Variants in CSMD1 observed in about 807,000 individuals in gnomAD.
CSMD1 encodes CUB and sushi domain-containing protein 1.
In CSMD1, 213 loss-of-function variants were observed where a neutral mutation model predicts 417.5. The observed-to-expected ratio is 0.51, with a 90% confidence interval of 0.46 to 0.57. The LOEUF (loss-of-function observed/expected upper bound fraction) is 0.57, where lower values mean the gene tolerates loss of function less well. Among genes scored for constraint, CSMD1 ranks in the 20% least tolerant of loss-of-function variants. CSMD1 has a pLI of 0.00. For missense variants in CSMD1, 6,923 were observed against 4,529.7 expected (o/e 1.53, Z -15.17); for synonymous variants, 2,862 against 1,736.8 (o/e 1.65, Z -16.11).
chr8:4,014,456 C>T (rs1002865864), intron 4 of CSMD1, among the ~76,000 whole-genome samples: 2 of 152,162 alleles, frequency 1.3e-5, no homozygotes, highest in African/African-American at 4.8e-5. Context: ...GTGACTTCAG[C>T]CTCTAAGAAG....
At chr8:3,718,711 T>C (rs1175677428) in intron 6 of CSMD1, among the ~76,000 whole-genome samples, 2 of 152,200 alleles carry the variant, frequency 1.3e-5, no homozygotes, top group Admixed American at 1.3e-4. Context: ...TAAAGGGTAA[T>C]TAGCATAAGA....
At position 4,927,087 on chromosome 8, in the gene CSMD1, CATTATTATTATT is replaced by C. The variant is rs142803606; in HGVS notation, c.85+67233_85+67244del. Among the ~76,000 whole-genome samples the C allele has an allele frequency of 8.9e-4, 128 of 143,458 alleles. 2 individuals are homozygous for C. The South Asian group carries it at 0.021, about 23-fold the overall frequency. 94.1% of individuals were successfully genotyped at this position (143,458 alleles called of 152,430 possible). A position where few individuals can be genotyped will look rare whatever the true frequency, so the allele number is the denominator to read the frequency against. ...AGGGCTGTGTTATTTGCTTTCAATG[CATTATTATTATT>C]ATTATTATTATTATTATTATTATTA... On this transcript the variant is annotated intron_variant, in intron 1 of 69. Transcript: ENST00000635120.
At position 4,677,901 on chromosome 8, in the gene CSMD1, C is replaced by T. The variant is rs996292611; in HGVS notation, c.86-40343G>A. On this transcript the variant is annotated intron_variant, in intron 1 of 69. Transcript: ENST00000635120. ...CACATCTGAATGCTGTAAAGTGTGA[C>T]ATTTAATGAACTATATATTGATTCC... Among the ~76,000 whole-genome samples, 6 of 152,058 alleles carry T rather than the reference C, an allele frequency of 3.9e-5. No individual in the cohort carries two copies. The East Asian group carries it at 9.7e-4, about 24-fold the overall frequency.
intron 3 of CSMD1, among the ~76,000 whole-genome samples, chr8:4,348,068 C>G (rs1322314212): frequency 6.6e-6 from 1 of 152,110 alleles, no homozygotes; most frequent in Non-Finnish European, 1.5e-5. Flanking sequence ...ATACACCAGG[C>G]AAAAACAAAC....
intron 3 of CSMD1, among the ~76,000 whole-genome samples, chr8:4,250,572 T>C (rs143112311): frequency 6.6e-6 from 1 of 152,272 alleles, no homozygotes; most frequent in African/African-American, 2.4e-5. Context: ...CTAATTTTCT[T>C]TTAATAAACT....
At chr8:4,260,758 C>T (rs368591036) in intron 3 of CSMD1, among the ~76,000 whole-genome samples, 1 of 152,106 alleles carries the variant, frequency 6.6e-6, no homozygotes, top group Admixed American at 6.5e-5. Context: ...ACAATTTAGG[C>T]TAAGTTATAT....
Position 4,763,470 on chromosome 8 carries a change from G to C in CSMD1, c.86-125912C>G, listed in dbSNP as rs145543831. On this transcript the variant is annotated intron_variant, in intron 1 of 69. Transcript: ENST00000635120. ...ATTATTTATAATAGTGACATGATGA[G>C]AGCTCCATAATCATTCAATAATTTA... 1.5e-3 allele frequency among the ~76,000 whole-genome samples: 235 copies of C among 152,224 alleles called. 1 individual carries two copies. The highest frequency in any genetic ancestry group is 5.5e-3 in the African/African-American group (229 of 41,526).
At chr8:4,002,317 T>C (rs1474655118) in intron 4 of CSMD1, among the ~76,000 whole-genome samples, 3 of 152,182 alleles carry the variant, frequency 2.0e-5, no homozygotes, top group Non-Finnish European at 1.5e-5. Flanking sequence ...ACAAAACTTT[T>C]TAACTCTTAA....
At chr8:3,443,803 A>T (rs1381157418) in intron 12 of CSMD1, among the ~76,000 whole-genome samples, 1 of 152,228 alleles carries the variant, frequency 6.6e-6, no homozygotes, top group Non-Finnish European at 1.5e-5. Flanking sequence ...TGTAAACATG[A>T]ATGCAAAACC....
chr8:3,080,564 G>A (rs1161825894), intron 49 of CSMD1, among the ~76,000 whole-genome samples: 1 of 152,188 alleles, frequency 6.6e-6, no homozygotes, highest in African/African-American at 2.4e-5. Flanking sequence ...GAAGCTAATT[G>A]CGAGCCATCA....
At chr8:3,185,314 G>A (rs775911027) in intron 36 of CSMD1, among the ~76,000 whole-genome samples, 7 of 152,202 alleles carry the variant, frequency 4.6e-5, no homozygotes, top group Non-Finnish European at 8.8e-5. Flanking sequence ...TTAATAAAAA[G>A]GAGATTGTTG....
intron 10 of CSMD1, among the ~76,000 whole-genome samples, chr8:3,536,952 G>C (rs1258572284): frequency 2.6e-5 from 4 of 152,130 alleles, no homozygotes; most frequent in East Asian, 3.9e-4. Context: ...TATTTACTGG[G>C]AGCTTTCACA....
chr8:4,036,875 T>TCCTC (rs1797644918), intron 3 of CSMD1, among the ~76,000 whole-genome samples: 1 of 152,200 alleles, frequency 6.6e-6, no homozygotes, highest in Non-Finnish European at 1.5e-5. Flanking sequence ...ATGTCCAGTT[T>TCCTC]CCTCCATATC....
intron 3 of CSMD1, among the ~76,000 whole-genome samples, chr8:4,206,225 A>C (rs1799968878): frequency 6.6e-6 from 1 of 152,174 alleles, no homozygotes; most frequent in Non-Finnish European, 1.5e-5. Flanking sequence ...TTTAAGTTCT[A>C]GAGTACATGT....
At chr8:3,490,362 AT>A (rs1459816660) in intron 11 of CSMD1, among the ~76,000 whole-genome samples, 1 of 152,226 alleles carries the variant, frequency 6.6e-6, no homozygotes. Flanking sequence ...AACAAATAGC[AT>A]TAAAAAATGA....
At chr8:3,192,265 C>A (rs953301114) in intron 33 of CSMD1, among the ~76,000 whole-genome samples, 1 of 152,022 alleles carries the variant, frequency 6.6e-6, no homozygotes, top group African/African-American at 2.4e-5. Flanking sequence ...CGATAATATT[C>A]TATTATAGGT....
intron 7 of CSMD1, among the ~76,000 whole-genome samples, chr8:3,684,917 G>A (rs977883716): frequency 4.6e-5 from 7 of 152,000 alleles, no homozygotes; most frequent in Non-Finnish European, 1.5e-5. Flanking sequence ...TAATGATGCC[G>A]GGAAGCACTT....
intron 1 of CSMD1, among the ~76,000 whole-genome samples, chr8:4,970,145 A>G (rs535854159): frequency 6.0e-4 from 92 of 152,252 alleles, no homozygotes; most frequent in African/African-American, 2.1e-3. Flanking sequence ...TAGAAGGCAT[A>G]TCCTACTTTA....
chr8:4,909,949 G>T (rs111553656), intron 1 of CSMD1, among the ~76,000 whole-genome samples: 7,441 of 152,194 alleles, frequency 0.049, 265 homozygotes, highest in African/African-American at 0.1. Flanking sequence ...TGAAACTGAA[G>T]TCTTGTGGAT....
Sources: allele counts gnomAD v4.1 joint callset (sites outside exome capture counted in the v4.1 genomes callset), GRCh38; gene constraint gnomAD v4.1.1; transcripts MANE v1.5; gene names NCBI Gene and HGNC (gene_info 2026-07-23, HGNC 2026-07-21).